EPB41: variants seen among roughly 807,000 people sequenced by gnomAD.
EPB41 encodes the protein protein 4.1.
A neutral mutation model predicts 108.0 loss-of-function variants in EPB41; 65 were observed. The ratio of observed to expected loss-of-function variants is 0.60; its 90% CI spans 0.49 to 0.74. The LOEUF is 0.74. EPB41 is among the 30% of genes least tolerant of loss of function. The probability of loss-of-function intolerance (pLI) is 0.00; values close to 1 mark genes in which losing one functional copy is unlikely to be tolerated. For missense variants in EPB41, 875 were observed against 1,037.0 expected (o/e 0.84, Z 2.15); for synonymous variants, 336 against 358.9 (o/e 0.94, Z 0.72).
intron 12 of EPB41, among the ~76,000 whole-genome samples, chr1:29,055,420 A>G (rs1645187983): frequency 6.6e-6 from 1 of 152,072 alleles, no homozygotes; most frequent in Admixed American, 6.5e-5. Flanking sequence ...TACCTTCAAC[A>G]ATAGGCTCCC....
rs1371306555 is a variant in EPB41 at position 29,013,930 on chromosome 1, C to A, written c.830-1762C>A. ...AAATTATCATGAAGAATGTAAGAGT[C>A]CTCTAAATCCTGTCCTCTGGATATA... On this transcript the variant is annotated intron_variant, in intron 5 of 20. Transcript: ENST00000343067. Among the ~76,000 whole-genome samples the A allele has an allele frequency of 2.0e-5, 3 of 150,844 alleles. No individual in the cohort carries two copies. In the East Asian group the frequency reaches 5.8e-4, roughly 29 times the overall value.
intron 4 of EPB41, among the ~76,000 whole-genome samples, chr1:29,007,431 G>T (rs922504368): frequency 2.0e-5 from 3 of 152,114 alleles, no homozygotes; most frequent in Admixed American, 2.0e-4. Context: ...TTTAGAGAAG[G>T]CATATGTTCA....
chr1:28,968,566 A>C (rs779460045), intron 1 of EPB41, among the ~76,000 whole-genome samples: 16 of 152,132 alleles, frequency 1.1e-4, no homozygotes, highest in Non-Finnish European at 2.2e-4. Context: ...CCCAGGGCTT[A>C]GAAAAGAACC....
chr1:29,043,308 G>A (rs1005994181), intron 11 of EPB41, among the ~76,000 whole-genome samples: 2 of 152,148 alleles, frequency 1.3e-5, no homozygotes, highest in African/African-American at 2.4e-5. Flanking sequence ...TGAAGGAGCC[G>A]GCCATCTCAA....
At chr1:28,958,986 C>T (rs1239444531) in intron 1 of EPB41, among the ~76,000 whole-genome samples, 1 of 151,740 alleles carries the variant, frequency 6.6e-6, no homozygotes, top group East Asian at 1.9e-4. Flanking sequence ...GTGGGCAGGG[C>T]TTTGAAGGAG....
intron 7 of EPB41, among the ~76,000 whole-genome samples, chr1:29,026,030 C>T (rs760035691): frequency 6.6e-6 from 1 of 152,084 alleles, no homozygotes; most frequent in Non-Finnish European, 1.5e-5. Context: ...AGTGTCAAAG[C>T]CTAAGCAGGG....
intron 6 of EPB41, among the ~76,000 whole-genome samples, chr1:29,016,177 T>C (rs1042632727): frequency 3.9e-5 from 6 of 152,110 alleles, no homozygotes; most frequent in African/African-American, 1.4e-4. Context: ...CTTTTTGTTG[T>C]TGTTTTTTGT....
At chr1:29,055,450 C>A (rs1036797327) in intron 12 of EPB41, among the ~76,000 whole-genome samples, 2 of 152,060 alleles carry the variant, frequency 1.3e-5, no homozygotes, top group African/African-American at 4.8e-5. Flanking sequence ...GGGAACTTGG[C>A]AGAGTGAAGA....
chr1:28,976,258 T>C (rs376313932), intron 1 of EPB41, among the ~76,000 whole-genome samples: 5 of 152,212 alleles, frequency 3.3e-5, no homozygotes, highest in African/African-American at 1.2e-4. Flanking sequence ...AATGAGAATG[T>C]CTACCTTGTA....
intron 1 of EPB41, among the ~76,000 whole-genome samples, chr1:28,940,847 A>G (rs554774757): frequency 6.6e-6 from 1 of 152,304 alleles, no homozygotes; most frequent in African/African-American, 2.4e-5. Flanking sequence ...ATATGCCAGG[A>G]AATATGCATT....
Position 29,095,828 on chromosome 1 carries a change from A to G in EPB41, c.2185-1979A>G, listed in dbSNP as rs148947653. 2.6e-4 allele frequency among the ~76,000 whole-genome samples: 39 copies of G among 152,334 alleles called. No homozygotes were observed. In the East Asian group the frequency reaches 6.9e-3, roughly 27 times the overall value. ...GCACAAATTGCATTGTGTCCTGTGC[A>G]TAGTAATAACTTAGGCATTTAGGAA... On this transcript the variant is annotated intron_variant, in intron 16 of 20. Transcript: ENST00000343067.
At chr1:29,058,914 C>CA in intron 14 of EPB41, 62 bp downstream of exon 14, 1 of 1,339,200 alleles carries the variant, frequency 7.5e-7, no homozygotes, top group Non-Finnish European at 1.0e-6. Flanking sequence ...ACTTACAGTG[C>CA]ATTAAAAAGA....
intron 4 of EPB41, among the ~76,000 whole-genome samples, chr1:29,003,296 C>T (rs577961536): frequency 3.6e-4 from 55 of 152,282 alleles, no homozygotes; most frequent in African/African-American, 1.2e-3. Context: ...GGCTCATCCC[C>T]CCATTTTATA....
At chr1:29,048,600 C>G (rs575793347) in intron 11 of EPB41, among the ~76,000 whole-genome samples, 1 of 152,134 alleles carries the variant, frequency 6.6e-6, no homozygotes, top group East Asian at 1.9e-4. Context: ...TACAACTTAA[C>G]CTTAGAATGT....
rs1354468838 is a variant in EPB41, at chr1:29,115,857, G to A, written c.*6+54G>A. ...GTGCCCACAGTCCCAGCCTGAGAGG[G>A]CTCTGGATGGGACCCTCGGACACAC... On this transcript the variant is annotated intron_variant, in intron 20 of 20. Coordinates refer to ENST00000343067, the MANE Select transcript of EPB41 (RefSeq NM_001376013.1). This position sits in a 1 kb window ranked among gnomAD's most constrained non-coding sequence, Gnocchi z 4.4. 2.2e-6 allele frequency: 3 copies of A among 1,385,490 alleles called. No individual in the cohort carries two copies. The highest frequency in any genetic ancestry group is 3.1e-6 in the Non-Finnish European group (3 of 974,004). The allele number at this position is 1,385,490 out of a possible 1,614,324, so 85.8% of individuals were successfully genotyped here.
At chr1:28,936,200 G>A (rs1471541422) in intron 1 of EPB41, among the ~76,000 whole-genome samples, 8 of 152,086 alleles carry the variant, frequency 5.3e-5, no homozygotes, top group Non-Finnish European at 8.8e-5. Flanking sequence ...GTCAAAATTA[G>A]AAGCACAATC....
At chr1:28,982,844 A>G (rs1283030750) in intron 1 of EPB41, among the ~76,000 whole-genome samples, 3 of 152,238 alleles carry the variant, frequency 2.0e-5, no homozygotes, top group Admixed American at 6.5e-5. Flanking sequence ...CATGTAAAGT[A>G]GCCTATGAAG....
At chr1:28,980,502 G>T (rs1036403074) in intron 1 of EPB41, among the ~76,000 whole-genome samples, 1 of 151,934 alleles carries the variant, frequency 6.6e-6, no homozygotes, top group Admixed American at 6.6e-5. Flanking sequence ...TTGAGCCCAG[G>T]AGTTTGAAAC....
intron 19 of EPB41, among the ~76,000 whole-genome samples, chr1:29,113,661 A>AT (rs1669956915): frequency 1.3e-5 from 2 of 152,184 alleles, no homozygotes; most frequent in South Asian, 4.1e-4. Context: ...CTAATTGGTT[A>AT]TATGTCCTTG....
Sources: gnomAD v4.1 joint callset for allele counts (sites outside exome capture counted in the v4.1 genomes callset) on GRCh38, gnomAD v4.1.1 for gene constraint, Gnocchi (gnomAD v3.1) non-coding constraint, MANE v1.5 for transcripts, NCBI Gene and HGNC (gene_info 2026-07-23, HGNC 2026-07-21) for gene names.